The following TLE6 variants were observed in gnomAD, a reference collection of about 807,000 sequenced individuals.
The protein encoded by TLE6 is TLE family member 6, subcortical maternal complex member, also known as transducin-like enhancer protein 6.
Under a neutral mutation model 77.1 loss-of-function variants are expected in TLE6, and 72 were observed. That is an observed-to-expected ratio of 0.93 (90% CI 0.77 to 1.14). The LOEUF (loss-of-function observed/expected upper bound fraction) is 1.14. Ranked by LOEUF, TLE6 falls within the 50% of genes most tolerant of loss-of-function variation. TLE6 has a pLI of 0.00. For synonymous variants in TLE6, 366 were observed against 287.3 expected (o/e 1.27, Z -2.77); for missense variants, 843 against 747.6 (o/e 1.13, Z -1.49).
intron 14 of TLE6, among the ~76,000 whole-genome samples, chr19:2,992,790 A>G (rs2089100951): frequency 7.5e-5 from 1 of 13,346 alleles, no homozygotes; most frequent in Non-Finnish European, 2.1e-4. Flanking sequence ...AAAAAAAAAA[A>G]AAAGGGGGGG....
chr19:2,994,186 TA>T, intron 16 of TLE6, 91 bp downstream of exon 16: 1 of 1,115,312 alleles, frequency 9.0e-7, no homozygotes, highest in Non-Finnish European at 1.3e-6. Flanking sequence ...ACAAAAAACT[TA>T]AAAAGTAGCC....
At position 2,981,576 on chromosome 19, in the gene TLE6, A is replaced by G. The variant is rs932608404; in HGVS notation, c.173A>G (p.Tyr58Cys). 112 of 1,551,310 alleles carry G rather than the reference A, an allele frequency of 7.2e-5. No homozygotes were observed. The highest frequency in any genetic ancestry group is 9.4e-5 in the Non-Finnish European group (108 of 1,146,930). The change falls in exon 4 of 17, where the codon TAC (tyrosine) becomes TGC (cysteine). Residue 58 changes from tyrosine to cysteine, a missense_variant. Tyr to Cys is a radical substitution (Grantham distance 194, BLOSUM62 -2). Coordinates refer to ENST00000246112, the MANE Select transcript of TLE6 (RefSeq NM_001143986.2). ...PHFAAELESI[Y>C]YSLHKIQQDV... ...TTTGCTGCGGAGTTGGAGAGCATTT[A>G]CTACTCGGTGAGCCAGACCCAGGCA...
In TLE6 at chr19:2,994,033, A is replaced by G. The variant is rs2089150806; in HGVS notation, c.1552A>G (p.Ser518Gly). Residue 518 changes from serine to glycine, a missense_variant, in exon 16 of 17, where the codon AGC (serine) becomes GGC (glycine). Ser to Gly is a moderately conservative substitution (Grantham distance 56). Transcript: ENST00000246112. ...ATTTCTCCCAGGCCAGTGGTGGGCA[A>G]GCGTTGGAATGGACGACTTCCTTGG... ...KFSPFGQWWA[S>G]VGMDDFLGVY... The G allele has an allele frequency of 6.2e-7, 1 of 1,606,346 alleles. No homozygotes were observed. The highest frequency in any genetic ancestry group is 1.1e-5 in the South Asian group (1 of 89,116).
intron 16 of TLE6, among the ~76,000 whole-genome samples, chr19:2,994,571 C>A (rs1308619065): frequency 6.6e-6 from 1 of 151,918 alleles, no homozygotes; most frequent in African/African-American, 2.4e-5. Flanking sequence ...GATTGTGCCA[C>A]TGCACTCCAG....
chr19:2,993,078 G>A (rs560717323), intron 14 of TLE6, among the ~76,000 whole-genome samples: 162 of 150,246 alleles, frequency 1.1e-3, no homozygotes, highest in African/African-American at 3.7e-3. Flanking sequence ...AGGCATGGTG[G>A]CGCATGCCTG....
intron 13 of TLE6, among the ~76,000 whole-genome samples, chr19:2,991,220 G>A (rs985136989): frequency 1.9e-4 from 29 of 151,196 alleles, no homozygotes; most frequent in African/African-American, 5.6e-4. Context: ...TTAGTCAGGC[G>A]TGGTGGCCCA....
intron 8 of TLE6, 113 bp downstream of exon 8, chr19:2,987,485 C>A (rs994903651): frequency 1.4e-6 from 2 of 1,475,684 alleles, no homozygotes; most frequent in African/African-American, 1.4e-5. Context: ...TTCCATCCTG[C>A]CCCTCGGGTC....
At position 2,991,986 on chromosome 19, in the gene TLE6, T is replaced by C; in HGVS notation, c.1386+2T>C. The C allele has an allele frequency of 6.2e-7, 1 of 1,613,166 alleles. No individual in the cohort carries two copies. Among genetic ancestry groups the C allele is most frequent in the East Asian group, 2.2e-5 (1 of 44,858 alleles). ...CTGGAGTACCAATTCAAGTCTCAGG[T>C]GCGGAGGCCGGGATGGGGTCTGCTT... On this transcript the variant is annotated splice_donor_variant, in intron 14 of 16. Coordinates refer to ENST00000246112, the MANE Select transcript of TLE6 (RefSeq NM_001143986.2). LOFTEE classifies it high-confidence loss of function.
chr19:2,982,089 G>A (rs1329061260), intron 4 of TLE6, 59 bp from the exon 5 acceptor site: 1 of 1,541,984 alleles, frequency 6.5e-7, no homozygotes, highest in Non-Finnish European at 8.8e-7. Flanking sequence ...CTTGCCCAGG[G>A]TCACACAGCA....
At chr19:2,977,818 C>A (rs59397485) in intron 1 of TLE6, among the ~76,000 whole-genome samples, 1,764 of 152,238 alleles carry the variant, frequency 0.012, 38 homozygotes, top group African/African-American at 0.04. Context: ...AGTCATCCTT[C>A]AAAACCCCTT....
Position 2,994,972 on chromosome 19 carries a change from G to GA in TLE6, c.1688dup (p.His564AlafsTer51). 1 of 1,609,094 alleles carries GA rather than the reference G, an allele frequency of 6.2e-7. No individual in the cohort carries two copies. Among genetic ancestry groups the GA allele is most frequent in the Non-Finnish European group, 8.5e-7 (1 of 1,178,232 alleles). On this transcript the variant is annotated frameshift_variant, in exon 17 of 17. Coordinates refer to ENST00000246112, the MANE Select transcript of TLE6 (RefSeq NM_001143986.2). LOFTEE classifies it high-confidence loss of function. ...CCGCCTCGTTGTCACAGGCTCCGGG[G>GA]AGCACGCCTCCGTGTACCAGATCAC...
chr19:2,994,797 C>G lies in TLE6; in HGVS notation c.1615-103C>G, dbSNP rs1182357239. On this transcript the variant is annotated intron_variant, in intron 16 of 16. Coordinates refer to ENST00000246112, the MANE Select transcript of TLE6 (RefSeq NM_001143986.2). ...CCAGCCTGGGCAACAGAGCAAGACC[C>G]TGTCTTTCTTTGAAGAGACGATGCT... 8 of 667,818 alleles carry G rather than the reference C, an allele frequency of 1.2e-5. No individual in the cohort carries two copies. The Admixed American group carries it at 1.9e-4, about 16-fold the overall frequency. 41.4% of individuals were successfully genotyped at this position (667,818 alleles called of 1,614,324 possible).
chr19:2,980,871 G>A (rs778920407), intron 3 of TLE6, among the ~76,000 whole-genome samples: 6 of 151,284 alleles, frequency 4.0e-5, no homozygotes, highest in African/African-American at 9.7e-5. Context: ...GCAACATAGC[G>A]AGATGCCATC....
chr19:2,983,775 A>T (rs1391805126), intron 5 of TLE6: 2 of 152,824 alleles, frequency 1.3e-5, no homozygotes, highest in East Asian at 3.8e-4. Context: ...AGGAGGAGGG[A>T]TGAGGGCAGA....
Position 2,987,894 on chromosome 19 carries a change from C to T in TLE6, c.626-4C>T, listed in dbSNP as rs749898087. On this transcript the variant is annotated splice_region_variant and splice_polypyrimidine_tract_variant and intron_variant, in intron 9 of 16. Transcript: ENST00000246112. ...CCGCTTAGCCCCTCTTGTCTCCCCACTAGCCCCCAGGCCACCTGAGGCCTC... is the reference window on the plus strand; with the variant it reads ...CCGCTTAGCCCCTCTTGTCTCCCCATTAGCCCCCAGGCCACCTGAGGCCTC... 8 of 1,609,982 alleles carry T rather than the reference C, an allele frequency of 5.0e-6. No individual in the cohort carries two copies. The South Asian group carries it at 7.7e-5, about 16-fold the overall frequency.
chr19:2,994,638 A>T (rs970361298), intron 16 of TLE6, among the ~76,000 whole-genome samples: 1 of 151,886 alleles, frequency 6.6e-6, no homozygotes, highest in East Asian at 1.9e-4. Context: ...AAACACTTTT[A>T]AAATTAAAAA....
chr19:2,986,123 G>T (rs921074901), intron 5 of TLE6, among the ~76,000 whole-genome samples: 1 of 144,882 alleles, frequency 6.9e-6, no homozygotes, highest in Admixed American at 7.0e-5. Flanking sequence ...TATATGCCAG[G>T]TGCGATAGGC....
At chr19:2,991,430 A>G (rs1214361949) in intron 13 of TLE6, among the ~76,000 whole-genome samples, 1 of 149,634 alleles carries the variant, frequency 6.7e-6, no homozygotes, top group Admixed American at 6.8e-5. Flanking sequence ...ACACACATAT[A>G]TATAATATAT....
At chr19:2,993,050 A>C (rs1229504049) in intron 14 of TLE6, among the ~76,000 whole-genome samples, 3 of 147,086 alleles carry the variant, frequency 2.0e-5, no homozygotes, top group East Asian at 2.0e-4. Flanking sequence ...AAAAAAAAAA[A>C]AAACAGAATA....
Sources: gnomAD v4.1 joint callset for allele counts (sites outside exome capture counted in the v4.1 genomes callset) on GRCh38, gnomAD v4.1.1 for gene constraint, MANE v1.5 for transcripts, NCBI Gene and HGNC (gene_info 2026-07-23, HGNC 2026-07-21) for gene names.